The following SLC35D3 variants were observed in gnomAD, a reference collection of about 807,000 sequenced individuals.
SLC35D3 encodes solute carrier family 35 member D3.
SLC35D3 carries 18 observed loss-of-function variants against 20.3 expected under a neutral mutation model. The ratio of observed to expected loss-of-function variants is 0.89; its 90% confidence interval spans 0.61 to 1.32. The LOEUF (loss-of-function observed/expected upper bound fraction) is 1.32, where lower values mean the gene tolerates loss of function less well. SLC35D3 is among the 40% of genes most tolerant of loss of function. SLC35D3 has a pLI of 0.00. For synonymous variants in SLC35D3, 313 were observed against 263.5 expected (o/e 1.19, Z -1.82); for missense variants, 556 against 565.5 (o/e 0.98, Z 0.17).
chr6:136,924,141 C>A lies in SLC35D3; in HGVS notation c.696C>A (p.Cys232Ter). The A allele has an allele frequency of 6.2e-7, 1 of 1,612,874 alleles. No homozygotes were observed. The highest frequency in any genetic ancestry group is 2.2e-5 in the East Asian group (1 of 44,878). The stretch of plus-strand genomic sequence containing the variant: ...CCATGGTCTGCATCTTCGTGGCCTG[C>A]ATCCTGATCGGCTGCGCCATGAACT... ...DPAMVCIFVA[C>*]ILIGCAMNFT... The change falls in exon 2 of 2, where the codon TGC becomes TGA. Residue 232 changes from cysteine (C) to a stop codon, truncating the protein, a stop_gained. Transcript: ENST00000331858. LOFTEE classifies it high-confidence loss of function.
In SLC35D3 at chr6:136,922,709, G is replaced by C. The variant is rs1037049104; in HGVS notation, c.281G>C (p.Trp94Ser). The C allele has an allele frequency of 1.9e-6, 3 of 1,592,058 alleles. No individual in the cohort carries two copies. The Admixed American group carries it at 5.2e-5, about 28-fold the overall frequency. Residue 94 changes from tryptophan to serine, a missense_variant, in exon 1 of 2, where the codon TGG becomes TCG. By Grantham distance (177) the Trp-to-Ser change is radical. Transcript: ENST00000331858. This position sits in a 1 kb window ranked among gnomAD's most constrained non-coding sequence, Gnocchi z 6.8. ...LSTLQSSLTLWSLRGLSLPMY... is the reference protein window; with the variant it reads ...LSTLQSSLTLSSLRGLSLPMY... ...ACGCTGCAGTCCAGCCTCACGCTCT[G>C]GTCCCTGCGCGGCCTCAGCCTGCCC...
Position 136,923,826 on chromosome 6 carries a change from G to C in SLC35D3, c.440-59G>C. The C allele has an allele frequency of 2.1e-6, 3 of 1,440,534 alleles. No individual in the cohort carries two copies. In the South Asian group the frequency reaches 4.2e-5, roughly 20 times the overall value. 89.2% of individuals were successfully genotyped at this position (1,440,534 alleles called of 1,614,324 possible). ...CGTGGGTCCCCGCCCACGCCAACCT[G>C]CTGTCTTCTCTCTTTTTCCTTCCCG... On this transcript the variant is annotated intron_variant, in intron 1 of 1. Coordinates refer to ENST00000331858, the MANE Select transcript of SLC35D3 (RefSeq NM_001008783.3). The surrounding 1 kb of genome is among the most constrained non-coding windows in gnomAD (Gnocchi z 6.2).
Position 136,924,588 on chromosome 6 carries a change from C to T in SLC35D3, c.1143C>T (p.Ser381=), listed in dbSNP as rs201048173. The part of the protein sequence containing the change: ...PLVAGSSEEG[S]RRSLKDAYLE... ...TGGCTGGGAGCTCTGAAGAAGGGAG[C>T]AGGAGGTCGTTAAAAGATGCTTACC... The change falls in exon 2 of 2, where the codon AGC becomes AGT. Residue 381 remains serine (S), a synonymous_variant. Coordinates refer to ENST00000331858, the MANE Select transcript of SLC35D3 (RefSeq NM_001008783.3). 2.2e-5 allele frequency: 36 copies of T among 1,613,790 alleles called. No individual in the cohort carries two copies. The highest frequency in any genetic ancestry group is 6.7e-5 in the Admixed American group (4 of 60,006).
Position 136,922,634 on chromosome 6 carries a change from C to G in SLC35D3, c.206C>G (p.Pro69Arg), listed in dbSNP as rs199706037. 2.1e-4 allele frequency: 332 copies of G among 1,610,240 alleles called. No homozygotes were observed. Among genetic ancestry groups the G allele is most frequent in the Admixed American group, 1.7e-3 (101 of 59,968 alleles). Residue 69 changes from proline to arginine, a missense_variant, in exon 1 of 2, where the codon CCC (proline) becomes CGC (arginine). Coordinates refer to ENST00000331858, the MANE Select transcript of SLC35D3 (RefSeq NM_001008783.3). This position sits in a 1 kb window ranked among gnomAD's most constrained non-coding sequence, Gnocchi z 6.8. Reference sequence around the variant, plus strand: ...CGCCTCGGGCTCATCGCCGTGCCCCCCTTCGGTCTGAGCCTGGCGCGCTCC... The same window carrying G: ...CGCCTCGGGCTCATCGCCGTGCCCCGCTTCGGTCTGAGCCTGGCGCGCTCC... ...LRRLGLIAVP[P>R]FGLSLARSFA...
Position 136,922,974 on chromosome 6 carries a change from G to C in SLC35D3, c.439+107G>C. ...CAACGACCTCACTTCCAGATGGGGA[G>C]ACTGAGGCAGAGAGAGCCGGAGAGC... On this transcript the variant is annotated intron_variant, in intron 1 of 1. Transcript: ENST00000331858. The surrounding 1 kb of genome is among the most constrained non-coding windows in gnomAD (Gnocchi z 6.8). 8.2e-7 allele frequency: 1 copy of C among 1,217,036 alleles called. No individual in the cohort carries two copies. Among genetic ancestry groups the C allele is most frequent in the Non-Finnish European group, 1.1e-6 (1 of 902,002 alleles). 75.4% of individuals were successfully genotyped at this position (1,217,036 alleles called of 1,614,324 possible).
At position 136,923,518 on chromosome 6, in the gene SLC35D3, G is replaced by C. The variant is rs778021605; in HGVS notation, c.440-367G>C. On this transcript the variant is annotated intron_variant, in intron 1 of 1. Transcript: ENST00000331858. The surrounding 1 kb of genome is among the most constrained non-coding windows in gnomAD (Gnocchi z 6.2). ...TCTCCCTTTGGTGCCCCACGGGGCA[G>C]GGGCTCCGGGGTGCAGGTACCACGC... is the stretch of plus-strand genomic sequence containing the variant. Among the ~76,000 whole-genome samples the C allele has an allele frequency of 1.2e-4, 18 of 152,196 alleles. No homozygotes were observed. Among genetic ancestry groups the C allele is most frequent in the Non-Finnish European group, 2.2e-4 (15 of 68,016 alleles).
Position 136,922,441 on chromosome 6 carries a change from T to C in SLC35D3, c.13T>C (p.Cys5Arg). MRQL[C>R]RGRVLGISVA... ...CGAGGCCGGCGCGATGCGGCAGCTGTGCCGGGGCCGCGTGCTGGGCATCTC... is the reference window on the plus strand; with the variant it reads ...CGAGGCCGGCGCGATGCGGCAGCTGCGCCGGGGCCGCGTGCTGGGCATCTC... Residue 5 changes from cysteine to arginine, a missense_variant, in exon 1 of 2, where the codon TGC (cysteine) becomes CGC (arginine). Transcript: ENST00000331858. This position sits in a 1 kb window ranked among gnomAD's most constrained non-coding sequence, Gnocchi z 6.8. The C allele has an allele frequency of 1.3e-6, 2 of 1,583,910 alleles. No homozygotes were observed. Among genetic ancestry groups the C allele is most frequent in the Non-Finnish European group, 1.7e-6 (2 of 1,168,064 alleles).
rs1280536452 is a variant in SLC35D3, at chr6:136,923,867, C to A, written c.440-18C>A. On this transcript the variant is annotated intron_variant, in intron 1 of 1. Transcript: ENST00000331858. The surrounding 1 kb of genome is among the most constrained non-coding windows in gnomAD (Gnocchi z 6.2). ...TTCCTTCCCGCCCGGGCTCGGCCGT[C>A]CTCCTCGTGCGCCGCAGGAGCCGGC... is the stretch of plus-strand genomic sequence containing the variant. The A allele has an allele frequency of 3.3e-6, 5 of 1,496,546 alleles. No individual in the cohort carries two copies. The highest frequency in any genetic ancestry group is 2.5e-5 in the East Asian group (1 of 40,236). 92.7% of individuals were successfully genotyped at this position (1,496,546 alleles called of 1,614,324 possible). A position where few individuals can be genotyped will look rare whatever the true frequency, so the allele number is the denominator to read the frequency against.
rs1371778314 is a variant in SLC35D3 at position 136,922,888 on chromosome 6, AC to A, written c.439+26del. Reference sequence around the variant, plus strand: ...GGCAGGTGAGCGGGCCCCCGCGCCGACCCCCAGCCGACCCCACCCACCCCGC... The same window carrying A: ...GGCAGGTGAGCGGGCCCCCGCGCCGACCCCAGCCGACCCCACCCACCCCGC... On this transcript the variant is annotated intron_variant, in intron 1 of 1. Transcript: ENST00000331858. The surrounding 1 kb of genome is among the most constrained non-coding windows in gnomAD (Gnocchi z 6.8). 1.3e-6 allele frequency: 2 copies of A among 1,503,362 alleles called. No individual in the cohort carries two copies. The highest frequency in any genetic ancestry group is 5.0e-5 in the East Asian group (2 of 40,208). 93.1% of individuals were successfully genotyped at this position (1,503,362 alleles called of 1,614,324 possible).
In SLC35D3 at chr6:136,923,010, G is replaced by C. The variant is rs1776084068; in HGVS notation, c.439+143G>C. On this transcript the variant is annotated intron_variant, in intron 1 of 1. Transcript: ENST00000331858. The surrounding 1 kb of genome is among the most constrained non-coding windows in gnomAD (Gnocchi z 6.2). ...AGAGAGCCGGAGAGCTTTGAGAGTG[G>C]TCGCTCAGCTCGCAAAAGGGACTTC... 1.0e-6 allele frequency: 1 copy of C among 984,102 alleles called. No individual in the cohort carries two copies. Among genetic ancestry groups the C allele is most frequent in the Admixed American group, 3.0e-5 (1 of 33,228 alleles). 61.0% of individuals were successfully genotyped at this position (984,102 alleles called of 1,614,324 possible).
rs535048359 is a variant in SLC35D3 at position 136,925,630 on chromosome 6, A to C, written c.*934A>C. 6.6e-6 allele frequency: 1 copy of C among 152,354 alleles called. No individual in the cohort carries two copies. The highest frequency in any genetic ancestry group is 1.9e-4 in the East Asian group (1 of 5,186). 9.4% of individuals were successfully genotyped at this position (152,354 alleles called of 1,614,324 possible). A position where few individuals can be genotyped will look rare whatever the true frequency, so the allele number is the denominator to read the frequency against. ...ATTTGTCAAAATAAAGTATGAGTCT[A>C]ACTATTAAAGGATACATTGTTAGAA... On this transcript the variant is annotated 3_prime_UTR_variant, in exon 2 of 2. Transcript: ENST00000331858.
Position 136,923,493 on chromosome 6 carries a change from T to C in SLC35D3, c.440-392T>C, listed in dbSNP as rs1389520024. ...TTGCAGGCCACTGGCTGGGGCTCCCTCTCCCTTTGGTGCCCCACGGGGCAG... is the reference window on the plus strand; with the variant it reads ...TTGCAGGCCACTGGCTGGGGCTCCCCCTCCCTTTGGTGCCCCACGGGGCAG... On this transcript the variant is annotated intron_variant, in intron 1 of 1. Transcript: ENST00000331858. This position sits in a 1 kb window ranked among gnomAD's most constrained non-coding sequence, Gnocchi z 6.2. Among the ~76,000 whole-genome samples the C allele has an allele frequency of 6.6e-6, 1 of 152,082 alleles. No individual in the cohort carries two copies. The highest frequency in any genetic ancestry group is 2.4e-5 in the African/African-American group (1 of 41,408).
chr6:136,923,004 A>T lies in SLC35D3; in HGVS notation c.439+137A>T. 9.7e-7 allele frequency: 1 copy of T among 1,029,300 alleles called. No homozygotes were observed. The highest frequency in any genetic ancestry group is 1.4e-6 in the Non-Finnish European group (1 of 734,838). The allele number at this position is 1,029,300 out of a possible 1,614,324, so 63.8% of individuals were successfully genotyped here. ...AGGCAGAGAGAGCCGGAGAGCTTTG[A>T]GAGTGGTCGCTCAGCTCGCAAAAGG... is the stretch of plus-strand genomic sequence containing the variant. On this transcript the variant is annotated intron_variant, in intron 1 of 1. Coordinates refer to ENST00000331858, the MANE Select transcript of SLC35D3 (RefSeq NM_001008783.3). The surrounding 1 kb of genome is among the most constrained non-coding windows in gnomAD (Gnocchi z 6.2).
chr6:136,925,452 G>A lies in SLC35D3; in HGVS notation c.*756G>A, dbSNP rs764153185. On this transcript the variant is annotated 3_prime_UTR_variant, in exon 2 of 2. Transcript: ENST00000331858. ...GTGTCCAATATTCTTTCAAGCAAAT[G>A]CAATGGCTGGAATATAATTCAGAAT... 1 of 152,372 alleles carries A rather than the reference G, an allele frequency of 6.6e-6. No homozygotes were observed. Among genetic ancestry groups the A allele is most frequent in the Non-Finnish European group, 1.5e-5 (1 of 68,036 alleles). The allele number at this position is 152,372 out of a possible 1,614,324, so 9.4% of individuals were successfully genotyped here.
chr6:136,923,409 G>A lies in SLC35D3; in HGVS notation c.440-476G>A, dbSNP rs1776088598. Among the ~76,000 whole-genome samples the A allele has an allele frequency of 1.3e-5, 2 of 152,180 alleles. No homozygotes were observed. Among genetic ancestry groups the A allele is most frequent in the Admixed American group, 6.5e-5 (1 of 15,292 alleles). ...CTGAGCGAGACGAGAGCCTGGGCAG[G>A]GGGAAGCTTCACTGGGGGCCAGAAC... On this transcript the variant is annotated intron_variant, in intron 1 of 1. Transcript: ENST00000331858. This position sits in a 1 kb window ranked among gnomAD's most constrained non-coding sequence, Gnocchi z 6.2.
rs1037248148 is a variant in SLC35D3, at chr6:136,922,465, T to A, written c.37T>A (p.Ser13Thr). ...QLCRGRVLGI[S>T]VAIAHGVFSG... ...GTGCCGGGGCCGCGTGCTGGGCATC[T>A]CGGTGGCCATCGCGCACGGGGTCTT... The change falls in exon 1 of 2, where the codon TCG (serine) becomes ACG (threonine). Residue 13 changes from serine to threonine, a missense_variant. Ser to Thr is a moderately conservative substitution (Grantham distance 58). Coordinates refer to ENST00000331858, the MANE Select transcript of SLC35D3 (RefSeq NM_001008783.3). The surrounding 1 kb of genome is among the most constrained non-coding windows in gnomAD (Gnocchi z 6.8). 1.2e-6 allele frequency: 2 copies of A among 1,604,880 alleles called. No individual in the cohort carries two copies. Among genetic ancestry groups the A allele is most frequent in the Non-Finnish European group, 1.7e-6 (2 of 1,177,234 alleles).
At position 136,925,510 on chromosome 6, in the gene SLC35D3, G is replaced by A. The variant is rs1776120634; in HGVS notation, c.*814G>A. The A allele has an allele frequency of 1.3e-5, 2 of 152,184 alleles. No individual in the cohort carries two copies. Among genetic ancestry groups the A allele is most frequent in the South Asian group, 4.1e-4 (2 of 4,828 alleles). 9.4% of individuals were successfully genotyped at this position (152,184 alleles called of 1,614,324 possible). ...AACCCAGCCAGAAGAGGGACCACCT[G>A]TAAAGCAAGTCCTTTCAAGTTTCAC... On this transcript the variant is annotated 3_prime_UTR_variant, in exon 2 of 2. Coordinates refer to ENST00000331858, the MANE Select transcript of SLC35D3 (RefSeq NM_001008783.3).
chr6:136,922,883 C>A lies in SLC35D3; in HGVS notation c.439+16C>A. ...GCCCTGGCAGGTGAGCGGGCCCCCG[C>A]GCCGACCCCCAGCCGACCCCACCCA... On this transcript the variant is annotated intron_variant, in intron 1 of 1. Transcript: ENST00000331858. The surrounding 1 kb of genome is among the most constrained non-coding windows in gnomAD (Gnocchi z 6.8). 1 of 1,513,870 alleles carries A rather than the reference C, an allele frequency of 6.6e-7. No homozygotes were observed. The highest frequency in any genetic ancestry group is 8.8e-7 in the Non-Finnish European group (1 of 1,137,090). 93.8% of individuals were successfully genotyped at this position (1,513,870 alleles called of 1,614,324 possible).
chr6:136,925,627 TCTAA>T lies in SLC35D3; in HGVS notation c.*935_*938del, dbSNP rs1307796161. ...TAAATTTGTCAAAATAAAGTATGAGTCTAACTATTAAAGGATACATTGTTAGAAA... is the reference window on the plus strand; with the variant it reads ...TAAATTTGTCAAAATAAAGTATGAGTCTATTAAAGGATACATTGTTAGAAA... On this transcript the variant is annotated 3_prime_UTR_variant, in exon 2 of 2. Coordinates refer to ENST00000331858, the MANE Select transcript of SLC35D3 (RefSeq NM_001008783.3). 6.6e-6 allele frequency: 1 copy of T among 152,120 alleles called. No individual in the cohort carries two copies. The highest frequency in any genetic ancestry group is 1.5e-5 in the Non-Finnish European group (1 of 68,028). 9.4% of individuals were successfully genotyped at this position (152,120 alleles called of 1,614,324 possible).
Sources: allele counts gnomAD v4.1 joint callset (sites outside exome capture counted in the v4.1 genomes callset), GRCh38; gene constraint gnomAD v4.1.1; non-coding constraint Gnocchi (gnomAD v3.1); transcripts MANE v1.5; gene names NCBI Gene and HGNC (gene_info 2026-07-23, HGNC 2026-07-21).